GAB2: variants seen among roughly 807,000 people sequenced by gnomAD.
GAB2 encodes GRB2 associated binding protein 2, also known as GRB2-associated-binding protein 2.
In GAB2, 26 loss-of-function variants were observed where a neutral mutation model predicts 65.5. That is an observed-to-expected ratio of 0.40 (90% CI 0.29 to 0.55). The LOEUF is 0.55. Among genes scored for constraint, GAB2 ranks in the 20% least tolerant of loss-of-function variants. The pLI is 0.53. For missense variants in GAB2, 884 were observed against 875.8 expected (o/e 1.01, Z -0.12); for synonymous variants, 321 against 329.6 (o/e 0.97, Z 0.28).
intron 1 of GAB2, among the ~76,000 whole-genome samples, chr11:78,371,689 T>G (rs1056449812): frequency 2.0e-5 from 3 of 152,216 alleles, no homozygotes; most frequent in Non-Finnish European, 4.4e-5. Flanking sequence ...AAGCACACAT[T>G]TGCTGAATGA....
intron 2 of GAB2, among the ~76,000 whole-genome samples, chr11:78,273,429 A>G (rs1866076310): frequency 6.6e-6 from 1 of 152,212 alleles, no homozygotes; most frequent in African/African-American, 2.4e-5. Context: ...TGGAGCTTTA[A>G]GATTTGACTG....
intron 1 of GAB2, among the ~76,000 whole-genome samples, chr11:78,406,728 G>T (rs1228166174): frequency 6.6e-6 from 1 of 152,116 alleles, no homozygotes; most frequent in African/African-American, 2.4e-5. Context: ...CTCTCAAATG[G>T]AATGAAAAAG....
chr11:78,284,748 A>T (rs963886974), intron 1 of GAB2, among the ~76,000 whole-genome samples: 15 of 151,678 alleles, frequency 9.9e-5, no homozygotes, highest in Non-Finnish European at 1.9e-4. Flanking sequence ...CCCCCAAAAG[A>T]TATCAATTTT....
At chr11:78,370,707 G>A (rs1472608298) in intron 1 of GAB2, among the ~76,000 whole-genome samples, 1 of 145,142 alleles carries the variant, frequency 6.9e-6, no homozygotes, top group Non-Finnish European at 1.5e-5. Flanking sequence ...TTGTATGTGT[G>A]TGTGCGTGTG....
chr11:78,406,286 C>T (rs116399611), intron 1 of GAB2, among the ~76,000 whole-genome samples: 3,682 of 152,198 alleles, frequency 0.024, 141 homozygotes, highest in African/African-American at 0.078. Context: ...TGTCCCCTTC[C>T]GATGATTGCA....
At chr11:78,331,488 G>A (rs1855913252) in intron 1 of GAB2, among the ~76,000 whole-genome samples, 1 of 152,042 alleles carries the variant, frequency 6.6e-6, no homozygotes, top group South Asian at 2.1e-4. Flanking sequence ...CTCCTGATCT[G>A]CCTGCCTTGG....
chr11:78,242,377 C>G (rs1352258032), intron 3 of GAB2, among the ~76,000 whole-genome samples: 1 of 152,050 alleles, frequency 6.6e-6, no homozygotes, highest in African/African-American at 2.4e-5. Context: ...TGGCGGGCAC[C>G]TGTAGTCCCA....
rs569778096 is a variant in GAB2 at position 78,316,564 on chromosome 11, G to T, written c.76-35663C>A. On this transcript the variant is annotated intron_variant, in intron 1 of 9. Transcript: ENST00000361507. ...AAAGATGCTCATGTCACTAATCATT[G>T]GGGAAATGCAAATCAAAACAATGAA... Among the ~76,000 whole-genome samples the T allele has an allele frequency of 2.0e-5, 3 of 152,236 alleles. No individual in the cohort carries two copies. In the East Asian group the frequency reaches 5.8e-4, roughly 29 times the overall value.
At chr11:78,398,850 T>C (rs532630640) in intron 1 of GAB2, among the ~76,000 whole-genome samples, 2 of 152,298 alleles carry the variant, frequency 1.3e-5, no homozygotes, top group South Asian at 2.1e-4. Context: ...CATCTTGTCA[T>C]ACCAGAGAAC....
At chr11:78,268,640 G>C (rs1454238482) in intron 2 of GAB2, among the ~76,000 whole-genome samples, 1 of 151,532 alleles carries the variant, frequency 6.6e-6, no homozygotes, top group Non-Finnish European at 1.5e-5. Context: ...GTTGGGACGA[G>C]ATGCTCCCAA....
rs1855793415 is a variant in GAB2 at position 78,324,805 on chromosome 11, C to G, written c.76-43904G>C. ...AAGACCATACAAGGTAAGAATTATG[C>G]CTCTGGATAAAACTCCCAAAGGAAG... On this transcript the variant is annotated intron_variant, in intron 1 of 9. Transcript: ENST00000361507. The G allele has an allele frequency of 2.0e-5, 3 of 152,152 alleles. No individual in the cohort carries two copies. The South Asian group carries it at 6.2e-4, about 32-fold the overall frequency. The allele number at this position is 152,152 out of a possible 1,614,324, so 9.4% of individuals were successfully genotyped here. A position where few individuals can be genotyped will look rare whatever the true frequency, so the allele number is the denominator to read the frequency against.
intron 1 of GAB2, among the ~76,000 whole-genome samples, chr11:78,340,606 T>G (rs1182295281): frequency 1.4e-5 from 2 of 147,410 alleles, no homozygotes; most frequent in African/African-American, 2.5e-5. Flanking sequence ...GCTACACTGC[T>G]TATGTGAAGA....
At chr11:78,325,813 C>T (rs1855811493) in intron 1 of GAB2, among the ~76,000 whole-genome samples, 2 of 152,246 alleles carry the variant, frequency 1.3e-5, no homozygotes, top group Middle Eastern at 3.4e-3. Flanking sequence ...AGAAAATATG[C>T]CAGTAGTATT....
Position 78,408,747 on chromosome 11 carries a change from A to G in GAB2, c.75+8899T>C, listed in dbSNP as rs926257845. On this transcript the variant is annotated intron_variant, in intron 1 of 9. Transcript: ENST00000361507. ...CTTTGGTGCTGTTCTCATGATAGTG[A>G]GTGAGTTATTGTGAGATCTGGTTAT... Among the ~76,000 whole-genome samples, 23 of 152,108 alleles carry G rather than the reference A, an allele frequency of 1.5e-4. 1 individual carries two copies. The highest frequency in any genetic ancestry group is 1.0e-3 in the Admixed American group (16 of 15,282).
intron 1 of GAB2, among the ~76,000 whole-genome samples, chr11:78,409,374 C>G (rs2135095131): frequency 6.6e-6 from 1 of 152,286 alleles, no homozygotes; most frequent in East Asian, 1.9e-4. Context: ...GACCTGAGGT[C>G]AGGAGTTCGA....
chr11:78,307,160 C>T (rs1382818957), intron 1 of GAB2, among the ~76,000 whole-genome samples: 1 of 152,168 alleles, frequency 6.6e-6, no homozygotes, highest in Non-Finnish European at 1.5e-5. Flanking sequence ...AACTTTCCAA[C>T]TCAGTCACTA....
chr11:78,273,306 A>G (rs79690809), intron 2 of GAB2, among the ~76,000 whole-genome samples: 2 of 152,248 alleles, frequency 1.3e-5, no homozygotes. Flanking sequence ...AATCAGCCAG[A>G]AGAGAGGCTA....
intron 1 of GAB2, among the ~76,000 whole-genome samples, chr11:78,417,225 G>T (rs1036283839): frequency 6.6e-6 from 1 of 152,084 alleles, no homozygotes; most frequent in African/African-American, 2.4e-5. Context: ...GGCCGTCCGC[G>T]CGGCCCCACA....
intron 1 of GAB2, among the ~76,000 whole-genome samples, chr11:78,391,536 T>C (rs1430935741): frequency 6.6e-6 from 1 of 152,182 alleles, no homozygotes; most frequent in Non-Finnish European, 1.5e-5. Context: ...TTAAGCACCA[T>C]GTAAGCAGTC....
Sources: allele counts gnomAD v4.1 joint callset (sites outside exome capture counted in the v4.1 genomes callset), GRCh38; gene constraint gnomAD v4.1.1; transcripts MANE v1.5; gene names NCBI Gene and HGNC (gene_info 2026-07-23, HGNC 2026-07-21).